The following USP40 variants were observed in gnomAD, a reference collection of about 807,000 sequenced individuals.
USP40 encodes the protein ubiquitin specific peptidase 40, also known as ubiquitin carboxyl-terminal hydrolase 40.
Under a neutral mutation model 166.2 loss-of-function variants are expected in USP40, and 143 were observed. The ratio of observed to expected loss-of-function variants is 0.86; its 90% confidence interval spans 0.75 to 0.99. The LOEUF (loss-of-function observed/expected upper bound fraction) is 0.99. Among genes scored for constraint, USP40 ranks in the 50% least tolerant of loss-of-function variants. The probability of loss-of-function intolerance (pLI) is 0.00; values close to 1 mark genes in which losing one functional copy is unlikely to be tolerated. For missense variants in USP40, 1,444 were observed against 1,479.7 expected (o/e 0.98, Z 0.40); for synonymous variants, 498 against 524.0 (o/e 0.95, Z 0.68).
In USP40 at chr2:233,488,246, T is replaced by G; in HGVS notation, c.3190A>C (p.Asn1064His). The change falls in exon 28 of 32, where the codon AAC becomes CAC. Residue 1064 changes from asparagine (N) to histidine (H), a missense_variant. Asn to His is a moderately conservative substitution (Grantham distance 68). Transcript: ENST00000678225. ...CACAGGAGAATTTCTTACCCCAAGT[T>G]TTCGCCTTTCTGAAGGGGCTCTAAG... ...ICLEPLQKGE[N>H]LGPQDVLLRT... The G allele has an allele frequency of 1.2e-6, 2 of 1,603,466 alleles. No homozygotes were observed. The highest frequency in any genetic ancestry group is 1.7e-6 in the Non-Finnish European group (2 of 1,174,540).
chr2:233,521,309 T>C (rs1191904697), intron 16 of USP40, among the ~76,000 whole-genome samples, 195 bp from the exon 17 acceptor site: 1 of 152,194 alleles, frequency 6.6e-6, no homozygotes, highest in East Asian at 1.9e-4. Context: ...CTCCAAATAT[T>C]CTTTGATTTA....
intron 8 of USP40, among the ~76,000 whole-genome samples, chr2:233,545,274 G>C (rs2069805706): frequency 6.6e-6 from 1 of 152,202 alleles, no homozygotes; most frequent in South Asian, 2.1e-4. Context: ...GGAGGGAAGA[G>C]GCAAACCGGC....
At position 233,489,319 on chromosome 2, in the gene USP40, C is replaced by T. The variant is rs181815448; in HGVS notation, c.3131+46G>A. 4.6e-4 allele frequency: 689 copies of T among 1,504,928 alleles called. 3 individuals are homozygous for T. In the African/African-American group the frequency reaches 8.3e-3, roughly 18 times the overall value. The allele number at this position is 1,504,928 out of a possible 1,614,324, so 93.2% of individuals were successfully genotyped here. A position where few individuals can be genotyped will look rare whatever the true frequency, so the allele number is the denominator to read the frequency against. On this transcript the variant is annotated intron_variant, in intron 27 of 31. Transcript: ENST00000678225. ...CCTCCATCCCTCACACCAGCCAGTG[C>T]GTCAGCAGCAGAGAGGGACAGTGTT...
chr2:233,479,045 T>C (rs1370035238), intron 31 of USP40, among the ~76,000 whole-genome samples: 1 of 152,194 alleles, frequency 6.6e-6, no homozygotes, highest in Non-Finnish European at 1.5e-5. Flanking sequence ...AAGACACCAG[T>C]GGTCTACTGT....
intron 16 of USP40, among the ~76,000 whole-genome samples, chr2:233,522,788 C>T (rs1377125907): frequency 6.6e-6 from 1 of 152,138 alleles, no homozygotes; most frequent in Non-Finnish European, 1.5e-5. Context: ...AACAATTTAG[C>T]CATAATGTTA....
At chr2:233,495,746 G>A (rs1172214737) in intron 24 of USP40, among the ~76,000 whole-genome samples, 1 of 152,156 alleles carries the variant, frequency 6.6e-6, no homozygotes, top group African/African-American at 2.4e-5. Context: ...AGACAGTAGG[G>A]ACACTTGCTT....
chr2:233,561,022 C>T (rs536359939), intron 3 of USP40: 6 of 1,097,946 alleles, frequency 5.5e-6, no homozygotes, highest in East Asian at 5.1e-5. Flanking sequence ...AGGGTATAGG[C>T]CAAGTCACTT....
chr2:233,556,977 A>G lies in USP40; in HGVS notation c.424T>C (p.Phe142Leu). Residue 142 changes from phenylalanine (F) to leucine (L), a missense_variant, in exon 5 of 32, where the codon TTC becomes CTC. Transcript: ENST00000678225. ...ACTAAAGAAGTTTCCAAAGCGCTGAAGAGGATTCGATTCAGTTCCTGCACA... is the reference window on the plus strand; with the variant it reads ...ACTAAAGAAGTTTCCAAAGCGCTGAGGAGGATTCGATTCAGTTCCTGCACA... ...HDVQELNRIL[F>L]SALETSLVGT... The G allele has an allele frequency of 6.2e-7, 1 of 1,613,964 alleles. No homozygotes were observed.
intron 11 of USP40, among the ~76,000 whole-genome samples, chr2:233,530,327 A>G (rs2068422420): frequency 6.6e-6 from 1 of 152,184 alleles, no homozygotes; most frequent in South Asian, 2.1e-4. Flanking sequence ...TCTTAAATAA[A>G]TGATTACATA....
intron 20 of USP40, among the ~76,000 whole-genome samples, chr2:233,510,392 C>CTTT (rs1158427662): frequency 0.013 from 921 of 68,672 alleles, 128 homozygotes; most frequent in African/African-American, 0.049. Flanking sequence ...CTTTTTCTTT[C>CTTT]TTTTTTTTTT....
chr2:233,479,661 C>G (rs375068746), intron 31 of USP40, among the ~76,000 whole-genome samples: 6 of 121,372 alleles, frequency 4.9e-5, no homozygotes, highest in South Asian at 2.4e-4. Flanking sequence ...GTGTGTGTGT[C>G]TGACCTTTAA....
chr2:233,537,772 A>G (rs1283354908), intron 10 of USP40, among the ~76,000 whole-genome samples: 4 of 152,196 alleles, frequency 2.6e-5, no homozygotes, highest in Admixed American at 6.5e-5. Context: ...ATCTGAAAGC[A>G]TTTTTCACCT....
At position 233,486,170 on chromosome 2, in the gene USP40, C is replaced by T. The variant is rs113214302; in HGVS notation, c.3198-193G>A. 1.3e-5 allele frequency among the ~76,000 whole-genome samples: 2 copies of T among 152,150 alleles called. No individual in the cohort carries two copies. The highest frequency in any genetic ancestry group is 2.4e-5 in the African/African-American group (1 of 41,426). On this transcript the variant is annotated intron_variant, in intron 28 of 31. Transcript: ENST00000678225. This position sits in a 1 kb window ranked among gnomAD's most constrained non-coding sequence, Gnocchi z 4.0. Reference sequence around the variant, plus strand: ...TTTCCTTTAATCTTGGAATGAAGAGCGGAAGTGAAGATCCCATTCTCGGTA... The same window carrying T: ...TTTCCTTTAATCTTGGAATGAAGAGTGGAAGTGAAGATCCCATTCTCGGTA...
intron 21 of USP40, among the ~76,000 whole-genome samples, chr2:233,503,724 A>G (rs2066230118): frequency 6.6e-6 from 1 of 152,206 alleles, no homozygotes; most frequent in African/African-American, 2.4e-5. Context: ...GCAAAAAGCT[A>G]AAGGAATTTA....
chr2:233,554,413 A>G lies in USP40; in HGVS notation c.660T>C (p.Cys220=). The change falls in exon 6 of 32, where the codon TGT becomes TGC. Residue 220 remains cysteine, a synonymous_variant. Transcript: ENST00000678225. ...CTTTAACCAGCCTGTCACAAGTTCCACAGTGGTACAAGTTGTCACAATCAA... is the reference window on the plus strand; with the variant it reads ...CTTTAACCAGCCTGTCACAAGTTCCGCAGTGGTACAAGTTGTCACAATCAA... ...EVFDCDNLYH[C]GTCDRLVKAA... 6.2e-7 allele frequency: 1 copy of G among 1,612,780 alleles called. No homozygotes were observed. Among genetic ancestry groups the G allele is most frequent in the South Asian group, 1.1e-5 (1 of 90,858 alleles).
intron 1 of USP40, 40 bp downstream of exon 1, chr2:233,566,644 C>A: frequency 3.1e-6 from 3 of 975,336 alleles, no homozygotes; most frequent in Non-Finnish European, 3.7e-6. Context: ...CTACGCTTCC[C>A]ACGTCCCTCC....
At chr2:233,504,505 T>C (rs900008156) in intron 21 of USP40, among the ~76,000 whole-genome samples, 4 of 152,044 alleles carry the variant, frequency 2.6e-5, no homozygotes, top group African/African-American at 9.7e-5. Context: ...TTATGTCAGG[T>C]AAAATAGACT....
At chr2:233,529,592 G>T in intron 11 of USP40, 80 bp from the exon 12 acceptor site, 1 of 1,022,988 alleles carries the variant, frequency 9.8e-7, no homozygotes, top group Non-Finnish European at 1.4e-6. Flanking sequence ...AGACTAGGAA[G>T]GACTGTCCTA....
At chr2:233,519,787 G>T in intron 17 of USP40, 116 bp from the exon 18 acceptor site, 1 of 582,284 alleles carries the variant, frequency 1.7e-6, no homozygotes, top group Non-Finnish European at 2.8e-6. Context: ...CTGACATTTA[G>T]TAGTTTTTGC....
Sources: gnomAD v4.1 joint callset for allele counts (sites outside exome capture counted in the v4.1 genomes callset) on GRCh38, gnomAD v4.1.1 for gene constraint, Gnocchi (gnomAD v3.1) non-coding constraint, MANE v1.5 for transcripts, NCBI Gene and HGNC (gene_info 2026-07-23, HGNC 2026-07-21) for gene names.